The following DNAH17 variants were observed in gnomAD, a reference collection of about 807,000 sequenced individuals.
DNAH17 encodes dynein axonemal heavy chain 17, also known as axonemal beta dynein heavy chain 17.
DNAH17 carries 376 observed loss-of-function variants against 485.6 expected under a neutral mutation model. The ratio of observed to expected loss-of-function variants is 0.77; its 90% CI spans 0.71 to 0.84. DNAH17 has a LOEUF of 0.84. Ranked by LOEUF, DNAH17 falls within the 40% of genes least tolerant of loss-of-function variation. The pLI is 0.00. For missense variants in DNAH17, 6,370 were observed against 5,839.3 expected (o/e 1.09, Z -2.96); for synonymous variants, 3,031 against 2,405.9 (o/e 1.26, Z -7.60).
intron 71 of DNAH17, among the ~76,000 whole-genome samples, chr17:78,443,033 T>C (rs2087134399): frequency 6.6e-6 from 1 of 152,168 alleles, no homozygotes; most frequent in Non-Finnish European, 1.5e-5. Context: ...AACACGTCAA[T>C]GCTGAGGGAT....
chr17:78,495,354 A>G (rs2090030932), intron 38 of DNAH17, among the ~76,000 whole-genome samples: 1 of 149,028 alleles, frequency 6.7e-6, no homozygotes, highest in Admixed American at 6.6e-5. Context: ...GCTTTCCATC[A>G]CTGTGTCCCA....
Position 78,428,559 on chromosome 17 carries a change from G to C in DNAH17, c.12554C>G (p.Ser4185Trp), listed in dbSNP as rs771443493. The stretch of plus-strand genomic sequence containing the variant: ...GCGGGACACTCCCGTGCCTGCCCCC[G>C]AGTCCGTCTCTTTTGGCTGCATTTC... ...VLEMQPKETDSGAGTGVSREE... is the reference protein window; with the variant it reads ...VLEMQPKETDWGAGTGVSREE... The change falls in exon 77 of 81, where the codon TCG becomes TGG. Residue 4185 changes from serine to tryptophan, a missense_variant. Ser to Trp is a radical substitution (Grantham distance 177). Coordinates refer to ENST00000389840, the MANE Select transcript of DNAH17 (RefSeq NM_173628.4). 2 of 1,613,004 alleles carry C rather than the reference G, an allele frequency of 1.2e-6. No individual in the cohort carries two copies. Among genetic ancestry groups the C allele is most frequent in the Non-Finnish European group, 8.5e-7 (1 of 1,179,504 alleles).
In DNAH17 at chr17:78,560,784, G is replaced by A. The variant is rs563972044; in HGVS notation, c.1987C>T (p.Arg663Trp). 42 of 1,552,202 alleles carry A rather than the reference G, an allele frequency of 2.7e-5. No individual in the cohort carries two copies. The highest frequency in any genetic ancestry group is 2.2e-4 in the African/African-American group (16 of 73,168). The change falls in exon 13 of 81, where the codon CGG becomes TGG. Residue 663 changes from arginine to tryptophan, a missense_variant. By Grantham distance (101) the Arg-to-Trp change is moderately radical (BLOSUM62 -3). Coordinates refer to ENST00000389840, the MANE Select transcript of DNAH17 (RefSeq NM_173628.4). ...TGGATGAGGTTGCTAGCGGCGTCCC[G>A]CAGAATCAGCGGCTGCCCCAGGTTA... The part of the protein sequence containing the change: ...HFNLGQPLIL[R>W]DAASNLIHVN...
At chr17:78,474,109 C>T (rs2088899500) in intron 54 of DNAH17, among the ~76,000 whole-genome samples, 3 of 152,228 alleles carry the variant, frequency 2.0e-5, no homozygotes, top group African/African-American at 7.2e-5. Flanking sequence ...CACTGCCCCT[C>T]CAGGGTCTCT....
intron 24 of DNAH17, among the ~76,000 whole-genome samples, 182 bp downstream of exon 24, chr17:78,526,469 T>A (rs2091076183): frequency 6.6e-6 from 1 of 152,100 alleles, no homozygotes; most frequent in Admixed American, 6.5e-5. Flanking sequence ...CATGTTCACG[T>A]ACACACCCAT....
At chr17:78,432,756 G>T (rs973616718) in intron 75 of DNAH17, among the ~76,000 whole-genome samples, 21 of 152,282 alleles carry the variant, frequency 1.4e-4, no homozygotes, top group Middle Eastern at 3.4e-3. Context: ...AAAAAGGAGG[G>T]GGTTCCTGAG....
At chr17:78,463,440 G>GCA (rs1275012280) in intron 56 of DNAH17, among the ~76,000 whole-genome samples, 1 of 151,470 alleles carries the variant, frequency 6.6e-6, no homozygotes, top group Non-Finnish European at 1.5e-5. Context: ...ACGTGCATAC[G>GCA]CATTCACATA....
rs564878753 is a variant in DNAH17 at position 78,451,490 on chromosome 17, G to A, written c.10713C>T (p.Arg3571=). Residue 3571 remains arginine, a synonymous_variant, in exon 66 of 81, where the codon CGC becomes CGT. Coordinates refer to ENST00000389840, the MANE Select transcript of DNAH17 (RefSeq NM_173628.4). ...QLLAAVVAKE[R]PDLEQLKANL... is the part of the protein sequence containing the mutation. The stretch of plus-strand genomic sequence containing the variant: ...TTACCTTCAGCTGTTCCAGATCTGG[G>A]CGCTCTTTGGCCACCACAGCGGCCA... The A allele has an allele frequency of 2.0e-5, 32 of 1,612,034 alleles. No homozygotes were observed. Among genetic ancestry groups the A allele is most frequent in the Non-Finnish European group, 2.6e-5 (31 of 1,179,090 alleles).
chr17:78,484,907 G>A lies in DNAH17; in HGVS notation c.7610C>T (p.Pro2537Leu). The change falls in exon 48 of 81, where the codon CCG becomes CTG. Residue 2537 changes from proline (P) to leucine (L), a missense_variant. By Grantham distance (98) the Pro-to-Leu change is moderately conservative (BLOSUM62 -3). Coordinates refer to ENST00000389840, the MANE Select transcript of DNAH17 (RefSeq NM_173628.4). ...PEVDKYGTVA[P>L]HTLIRQHMDH... ...CATGTGCTGCCGGATGAGGGTGTGC[G>A]GGGCCACCGTCCCATACTTGTCCAC... is the stretch of plus-strand genomic sequence containing the variant. 2 of 1,592,038 alleles carry A rather than the reference G, an allele frequency of 1.3e-6. No homozygotes were observed. The highest frequency in any genetic ancestry group is 1.1e-5 in the South Asian group (1 of 88,032).
Position 78,570,994 on chromosome 17 carries a change from G to A in DNAH17, c.872C>T (p.Pro291Leu), listed in dbSNP as rs1288410410. The A allele has an allele frequency of 1.9e-6, 3 of 1,583,624 alleles. No homozygotes were observed. The highest frequency in any genetic ancestry group is 2.6e-6 in the Non-Finnish European group (3 of 1,164,866). ...CATCTCCTCCAGCAGGATCCGTAGG[G>A]GCTTCAAATAGAGCACGATGTCGTT... ...EANDIVLYLK[P>L]LRILLEEMEQ... Residue 291 changes from proline (P) to leucine (L), a missense_variant, in exon 6 of 81, where the codon CCC (proline) becomes CTC (leucine). By Grantham distance (98) the Pro-to-Leu change is moderately conservative (BLOSUM62 -3). Coordinates refer to ENST00000389840, the MANE Select transcript of DNAH17 (RefSeq NM_173628.4).
At chr17:78,491,297 A>G in intron 43 of DNAH17, 146 bp downstream of exon 43, 4 of 1,196,654 alleles carry the variant, frequency 3.3e-6, no homozygotes, top group Non-Finnish European at 4.6e-6. Context: ...GGTGCCCCTC[A>G]CTCATAGCTT....
rs2089037503 is a variant in DNAH17, at chr17:78,476,601, T to C, written c.8125A>G (p.Thr2709Ala). The C allele has an allele frequency of 1.9e-6, 3 of 1,610,970 alleles. No homozygotes were observed. The highest frequency in any genetic ancestry group is 1.7e-6 in the Non-Finnish European group (2 of 1,178,660). ...AAGAACTTCTTGGTGGAGGCCATGG[T>C]GACTCTATGCAATGTTTCCTGGTCT... is the stretch of plus-strand genomic sequence containing the variant. ...EKDQETLHRVTMASTKKFFDD... is the reference protein window; with the variant it reads ...EKDQETLHRVAMASTKKFFDD... The change falls in exon 52 of 81, where the codon ACC (threonine) becomes GCC (alanine). Residue 2709 changes from threonine (T) to alanine (A), a missense_variant. Thr to Ala is a moderately conservative substitution (Grantham distance 58, BLOSUM62 0). Transcript: ENST00000389840.
chr17:78,561,576 G>A lies in DNAH17; in HGVS notation c.1835+139C>T, dbSNP rs999161477. 18 of 1,019,258 alleles carry A rather than the reference G, an allele frequency of 1.8e-5. No individual in the cohort carries two copies. The South Asian group carries it at 2.9e-4, about 16-fold the overall frequency. The allele number at this position is 1,019,258 out of a possible 1,614,324, so 63.1% of individuals were successfully genotyped here. A position where few individuals can be genotyped will look rare whatever the true frequency, so the allele number is the denominator to read the frequency against. On this transcript the variant is annotated intron_variant, in intron 12 of 80. Transcript: ENST00000389840. ...AGGGGAGGAGGGAGGACCAGAAGGGGTCTCTTCTGGGCTTTTGCTCTGGGA... is the reference window on the plus strand; with the variant it reads ...AGGGGAGGAGGGAGGACCAGAAGGGATCTCTTCTGGGCTTTTGCTCTGGGA...
rs1333776964 is a variant in DNAH17 at position 78,494,871 on chromosome 17, C to T, written c.6043-51G>A. On this transcript the variant is annotated intron_variant, in intron 39 of 80. Transcript: ENST00000389840. ...AGACGTGAGCTCACCTTCCTGTGGC[C>T]AGCAGGCAGGTCTGGAAGCCAACCC... 18 of 1,572,474 alleles carry T rather than the reference C, an allele frequency of 1.1e-5. No individual in the cohort carries two copies. The African/African-American group carries it at 2.3e-4, about 20-fold the overall frequency.
intron 19 of DNAH17, 54 bp downstream of exon 19, chr17:78,537,245 A>C: frequency 6.6e-7 from 1 of 1,519,586 alleles, no homozygotes; most frequent in Non-Finnish European, 8.9e-7. Flanking sequence ...GGCAACACCA[A>C]ATGGGGAAAG....
intron 69 of DNAH17, among the ~76,000 whole-genome samples, chr17:78,449,081 C>T (rs1044527252): frequency 6.6e-6 from 1 of 152,320 alleles, no homozygotes; most frequent in South Asian, 2.1e-4. Flanking sequence ...AGTCACCCCA[C>T]AGTGGGCTAA....
chr17:78,470,357 C>T (rs76900517), intron 54 of DNAH17, among the ~76,000 whole-genome samples: 2 of 150,090 alleles, frequency 1.3e-5, no homozygotes, highest in African/African-American at 2.4e-5. Context: ...CATGAGCCAC[C>T]GTGCCCAGCC....
At chr17:78,464,671 A>G (rs971371139) in intron 56 of DNAH17, among the ~76,000 whole-genome samples, 43 of 152,314 alleles carry the variant, frequency 2.8e-4, no homozygotes, top group African/African-American at 9.6e-4. Context: ...ATTCCAGCAA[A>G]TACAGGCTTT....
intron 57 of DNAH17, among the ~76,000 whole-genome samples, chr17:78,462,319 C>G (rs956366567): frequency 6.6e-6 from 1 of 152,088 alleles, no homozygotes; most frequent in East Asian, 1.9e-4. Flanking sequence ...AGGTCCCAGT[C>G]TGTTCACAAC....
Sources: gnomAD v4.1 joint callset for allele counts (sites outside exome capture counted in the v4.1 genomes callset) on GRCh38, gnomAD v4.1.1 for gene constraint, MANE v1.5 for transcripts, NCBI Gene and HGNC (gene_info 2026-07-23, HGNC 2026-07-21) for gene names.